Variants in HERC1 observed in about 807,000 individuals in gnomAD.
The protein encoded by HERC1 is probable E3 ubiquitin-protein ligase HERC1.
A neutral mutation model predicts 554.3 loss-of-function variants in HERC1; 160 were observed. The ratio of observed to expected loss-of-function variants is 0.29; its 90% CI spans 0.25 to 0.33. The LOEUF is 0.33. HERC1 is among the 10% of genes least tolerant of loss of function. The pLI, the probability that HERC1 is intolerant of heterozygous loss-of-function variation, is 1.00. For missense variants in HERC1, 4,919 were observed against 5,918.5 expected (o/e 0.83, Z 5.54); for synonymous variants, 2,175 against 2,131.7 (o/e 1.02, Z -0.56).
chr15:63,784,863 G>C (rs969869710), intron 1 of HERC1, among the ~76,000 whole-genome samples: 1 of 152,080 alleles, frequency 6.6e-6, no homozygotes, highest in African/African-American at 2.4e-5. Flanking sequence ...AGCCCACCTC[G>C]GCCTCCCAAA....
At chr15:63,829,561 G>GTGTGTGTATATATATATA (rs1220043639) in intron 1 of HERC1, among the ~76,000 whole-genome samples, 111 of 81,684 alleles carry the variant, frequency 1.4e-3, no homozygotes, top group Non-Finnish European at 2.2e-3. Flanking sequence ...GTGTGTGTGT[G>GTGTGTGTATATATATATA]TATATATATA....
chr15:63,754,096 C>A (rs1234825882), intron 7 of HERC1, among the ~76,000 whole-genome samples: 1 of 151,868 alleles, frequency 6.6e-6, no homozygotes, highest in African/African-American at 2.4e-5. Flanking sequence ...ATCGCTTGAG[C>A]CCAGGAGGTT....
intron 25 of HERC1, 32 bp from the exon 26 acceptor site, chr15:63,699,028 G>T: frequency 6.4e-7 from 1 of 1,562,636 alleles, no homozygotes; most frequent in Non-Finnish European, 8.7e-7. Flanking sequence ...ATATATCAAT[G>T]GCAATCAAGT....
intron 74 of HERC1, 170 bp from the exon 75 acceptor site, chr15:63,616,852 T>G: frequency 1.6e-6 from 1 of 622,448 alleles, no homozygotes; most frequent in Non-Finnish European, 2.7e-6. Context: ...TTCTTCGGCT[T>G]CCCTAATCAC....
Position 63,621,137 on chromosome 15 carries a change from C to G in HERC1, c.13688+1678G>C, listed in dbSNP as rs1393606785. Among the ~76,000 whole-genome samples the G allele has an allele frequency of 5.8e-4, 88 of 152,152 alleles. 1 individual carries two copies. The highest frequency in any genetic ancestry group is 2.5e-3 in the Admixed American group (38 of 15,270). On this transcript the variant is annotated intron_variant, in intron 74 of 77. Transcript: ENST00000443617. ...GTTTTTGCAGTGGCTGGTACCAGTT[C>G]TTCCTTTCCATGTTTAGTGCTTCCT...
At position 63,692,282 on chromosome 15, in the gene HERC1, C is replaced by T. The variant is rs1168781496; in HGVS notation, c.5830+129G>A. 1.9e-5 allele frequency: 12 copies of T among 643,838 alleles called. No individual in the cohort carries two copies. The highest frequency in any genetic ancestry group is 1.2e-4 in the East Asian group (4 of 34,422). 39.9% of individuals were successfully genotyped at this position (643,838 alleles called of 1,614,324 possible). A position where few individuals can be genotyped will look rare whatever the true frequency, so the allele number is the denominator to read the frequency against. On this transcript the variant is annotated intron_variant, in intron 31 of 77. Transcript: ENST00000443617. This position sits in a 1 kb window ranked among gnomAD's most constrained non-coding sequence, Gnocchi z 4.7. ...GAGTTTTCTTTTGATCAAATAGGTA[C>T]GCAGAAAATAAGAAAGAAAAGCCTT...
chr15:63,623,695 A>G, intron 73 of HERC1, 30 bp downstream of exon 73: 2 of 1,605,410 alleles, frequency 1.2e-6, no homozygotes, highest in African/African-American at 1.3e-5. Flanking sequence ...CAGACTAGAT[A>G]ACTCAGCAGG....
At chr15:63,654,066 A>G in intron 51 of HERC1, 53 bp downstream of exon 51, 1 of 1,393,516 alleles carries the variant, frequency 7.2e-7, no homozygotes, top group Non-Finnish European at 1.0e-6. Context: ...AAGAGAAGAG[A>G]CTATTTCATC....
intron 12 of HERC1, among the ~76,000 whole-genome samples, chr15:63,745,956 AT>A (rs2075038962): frequency 6.6e-6 from 1 of 151,672 alleles, no homozygotes; most frequent in Non-Finnish European, 1.5e-5. Flanking sequence ...AGGTTTGTTG[AT>A]TTTGTCTTTT....
chr15:63,616,031 A>G, intron 75 of HERC1, 111 bp from the exon 76 acceptor site: 1 of 940,400 alleles, frequency 1.1e-6, no homozygotes, highest in South Asian at 1.6e-5. Flanking sequence ...TTAAGGATAA[A>G]AACAAGGAAC....
At chr15:63,759,256 G>A (rs1221658571) in intron 3 of HERC1, among the ~76,000 whole-genome samples, 1 of 152,082 alleles carries the variant, frequency 6.6e-6, no homozygotes, top group Non-Finnish European at 1.5e-5. Context: ...TATGAAAGAA[G>A]GCTGTTCTAA....
chr15:63,792,148 C>T (rs991300467), intron 1 of HERC1, among the ~76,000 whole-genome samples: 5 of 152,140 alleles, frequency 3.3e-5, no homozygotes, highest in African/African-American at 9.7e-5. Context: ...ACCTTAGCTA[C>T]AAAGAGACCA....
At chr15:63,693,194 A>C (rs950566604) in intron 30 of HERC1, among the ~76,000 whole-genome samples, 2 of 150,950 alleles carry the variant, frequency 1.3e-5, no homozygotes, top group Admixed American at 6.6e-5. Flanking sequence ...AACAAAAAAA[A>C]CCCAGAAAAC....
At chr15:63,669,157 C>T (rs2070779864) in intron 40 of HERC1, among the ~76,000 whole-genome samples, 1 of 152,108 alleles carries the variant, frequency 6.6e-6, no homozygotes, top group South Asian at 2.1e-4. Flanking sequence ...AACATACTTC[C>T]AAATAGTCCA....
chr15:63,663,274 A>C (rs1440923567), intron 43 of HERC1, 70 bp from the exon 44 acceptor site: 1 of 1,316,376 alleles, frequency 7.6e-7, no homozygotes, highest in African/African-American at 1.4e-5. Context: ...GCCAGTTCTT[A>C]ACTGCCATAC....
intron 2 of HERC1, among the ~76,000 whole-genome samples, chr15:63,767,484 G>C (rs1270463043): frequency 6.6e-6 from 1 of 152,034 alleles, no homozygotes; most frequent in Non-Finnish European, 1.5e-5. Flanking sequence ...TGGATCATCT[G>C]AGGTCAGGAG....
intron 1 of HERC1, among the ~76,000 whole-genome samples, chr15:63,825,790 G>T (rs10152687): frequency 0.46 from 69,364 of 151,130 alleles, 16,971 homozygotes; most frequent in Non-Finnish European, 0.55. Flanking sequence ...TTGAGATGGA[G>T]TCTCGTTCTT....
chr15:63,647,865 A>G (rs1488169517), intron 55 of HERC1, among the ~76,000 whole-genome samples: 3 of 152,240 alleles, frequency 2.0e-5, no homozygotes, highest in Non-Finnish European at 4.4e-5. Flanking sequence ...ACACGGGCCT[A>G]GAGTGTGGAA....
At chr15:63,776,555 T>C (rs371132792) in intron 1 of HERC1, among the ~76,000 whole-genome samples, 3 of 152,168 alleles carry the variant, frequency 2.0e-5, no homozygotes, top group African/African-American at 7.2e-5. Context: ...TCAATCAAAA[T>C]AGTGGTTGCC....
Sources: gnomAD v4.1 joint callset for allele counts (sites outside exome capture counted in the v4.1 genomes callset) on GRCh38, gnomAD v4.1.1 for gene constraint, Gnocchi (gnomAD v3.1) non-coding constraint, MANE v1.5 for transcripts, NCBI Gene and HGNC (gene_info 2026-07-23, HGNC 2026-07-21) for gene names.